Variants in ADARB2 observed in about 807,000 individuals in gnomAD.
The protein encoded by ADARB2 is inactive double-stranded RNA-specific editase B2.
Under a neutral mutation model 62.2 loss-of-function variants are expected in ADARB2, and 25 were observed. That is an observed-to-expected ratio of 0.40 (90% confidence interval 0.29 to 0.56). The LOEUF (loss-of-function observed/expected upper bound fraction) is 0.56, where lower values mean the gene tolerates loss of function less well. Among genes scored for constraint, ADARB2 ranks in the 20% least tolerant of loss-of-function variants. The pLI is 0.43. For synonymous variants in ADARB2, 572 were observed against 500.8 expected (o/e 1.14, Z -1.90); for missense variants, 1,071 against 1,077.4 (o/e 0.99, Z 0.08).
At chr10:1,727,990 A>T (rs1169458620) in intron 1 of ADARB2, among the ~76,000 whole-genome samples, 1 of 152,262 alleles carries the variant, frequency 6.6e-6, no homozygotes, top group African/African-American at 2.4e-5. Context: ...CACGCACCAT[A>T]CTTTAAAATC....
At chr10:1,543,798 G>C (rs900628454) in intron 1 of ADARB2, among the ~76,000 whole-genome samples, 1 of 152,150 alleles carries the variant, frequency 6.6e-6, no homozygotes, top group Non-Finnish European at 1.5e-5. Flanking sequence ...CGCTGGGCCC[G>C]CTTATTAGTG....
At chr10:1,502,670 C>A (rs1012697209) in intron 1 of ADARB2, among the ~76,000 whole-genome samples, 7 of 152,200 alleles carry the variant, frequency 4.6e-5, no homozygotes, top group Non-Finnish European at 1.5e-5. Flanking sequence ...GGGTGTCACT[C>A]GGGTGCATGA....
At chr10:1,651,603 C>T (rs1834111711) in intron 1 of ADARB2, among the ~76,000 whole-genome samples, 1 of 152,292 alleles carries the variant, frequency 6.6e-6, no homozygotes, top group African/African-American at 2.4e-5. Context: ...GTCTTTCCCA[C>T]ATACAGAAAT....
At chr10:1,629,557 C>G (rs1833817283) in intron 1 of ADARB2, among the ~76,000 whole-genome samples, 1 of 132,756 alleles carries the variant, frequency 7.5e-6, no homozygotes, top group Non-Finnish European at 1.6e-5. Flanking sequence ...CCCCCCAGCA[C>G]CCAACCCCCC....
At chr10:1,496,835 T>C (rs981521483) in intron 1 of ADARB2, among the ~76,000 whole-genome samples, 8 of 152,192 alleles carry the variant, frequency 5.3e-5, no homozygotes, top group Non-Finnish European at 1.2e-4. Context: ...GTAACTTAAC[T>C]TTCCTCATAC....
rs1385969533 is a variant in ADARB2, at chr10:1,704,843, C to T, written c.100+32208G>A. On this transcript the variant is annotated intron_variant, in intron 1 of 9. Coordinates refer to ENST00000381312, the MANE Select transcript of ADARB2 (RefSeq NM_018702.4). This position sits in a 1 kb window ranked among gnomAD's most constrained non-coding sequence, Gnocchi z 5.6. ...TTGAGAACGGTGAGCTTGCATATGC[C>T]AGCCTGAGCCTCCACTCTCTCACTG... 6.6e-6 allele frequency among the ~76,000 whole-genome samples: 1 copy of T among 152,084 alleles called. No individual in the cohort carries two copies. Among genetic ancestry groups the T allele is most frequent in the Non-Finnish European group, 1.5e-5 (1 of 68,028 alleles).
intron 1 of ADARB2, among the ~76,000 whole-genome samples, chr10:1,631,470 C>T (rs574449607): frequency 5.3e-5 from 8 of 152,300 alleles, no homozygotes; most frequent in Admixed American, 6.5e-5. Flanking sequence ...TTCCCATGCC[C>T]GATGTCAGAG....
In ADARB2 at chr10:1,512,253, C is replaced by T. The variant is rs115250729; in HGVS notation, c.101-133093G>A. Reference sequence around the variant, plus strand: ...GTGTTGATGCTGTCTACACTGGACACCAAGACGTTGATGCTTCTACACTGG... The same window carrying T: ...GTGTTGATGCTGTCTACACTGGACATCAAGACGTTGATGCTTCTACACTGG... On this transcript the variant is annotated intron_variant, in intron 1 of 9. Transcript: ENST00000381312. 7.2e-3 allele frequency among the ~76,000 whole-genome samples: 1,098 copies of T among 152,184 alleles called. 14 individuals carry two copies. Among genetic ancestry groups the T allele is most frequent in the African/African-American group, 0.025 (1,022 of 41,496 alleles).
intron 1 of ADARB2, among the ~76,000 whole-genome samples, chr10:1,644,222 A>G (rs1211481332): frequency 6.6e-6 from 1 of 152,230 alleles, no homozygotes; most frequent in Non-Finnish European, 1.5e-5. Flanking sequence ...TTCTTCCTCC[A>G]GGCTGCAGCC....
intron 1 of ADARB2, among the ~76,000 whole-genome samples, chr10:1,620,510 G>C (rs1470571146): frequency 6.7e-6 from 1 of 148,898 alleles, no homozygotes; most frequent in Admixed American, 6.6e-5. Context: ...ACAAGAAAAG[G>C]CCCAGGCCCA....
rs577871022 is a variant in ADARB2 at position 1,223,143 on chromosome 10, G to A, written c.1514-6024C>T. 2.0e-5 allele frequency among the ~76,000 whole-genome samples: 3 copies of A among 152,260 alleles called. No homozygotes were observed. In the South Asian group the frequency reaches 6.2e-4, roughly 32 times the overall value. On this transcript the variant is annotated intron_variant, in intron 6 of 9. Coordinates refer to ENST00000381312, the MANE Select transcript of ADARB2 (RefSeq NM_018702.4). ...AAGAGGTCCTTCACATCCCTTGTAAGTTGGATTCCTAGGTATTTTATTCTC... is the reference window on the plus strand; with the variant it reads ...AAGAGGTCCTTCACATCCCTTGTAAATTGGATTCCTAGGTATTTTATTCTC...
intron 3 of ADARB2, among the ~76,000 whole-genome samples, chr10:1,274,003 A>G (rs1326413835): frequency 6.6e-6 from 1 of 152,192 alleles, no homozygotes; most frequent in Non-Finnish European, 1.5e-5. Context: ...CCGGCCCTGC[A>G]GAGGGGACAG....
chr10:1,387,495 A>G (rs1055577351), intron 1 of ADARB2, among the ~76,000 whole-genome samples: 6 of 152,046 alleles, frequency 3.9e-5, no homozygotes, highest in African/African-American at 1.4e-4. Flanking sequence ...CTAGTCAGTG[A>G]AAAACATATT....
intron 3 of ADARB2, among the ~76,000 whole-genome samples, chr10:1,360,488 G>C (rs1030282327): frequency 6.6e-6 from 1 of 152,188 alleles, no homozygotes; most frequent in African/African-American, 2.4e-5. Context: ...GGGAAGGTTG[G>C]GGCAGGGCAA....
intron 1 of ADARB2, among the ~76,000 whole-genome samples, chr10:1,562,961 A>G (rs192648867): frequency 6.6e-6 from 1 of 152,386 alleles, no homozygotes; most frequent in East Asian, 1.9e-4. Flanking sequence ...TCTCTCAGCC[A>G]GAAAGAAGCA....
chr10:1,311,812 C>T (rs185375769), intron 3 of ADARB2, among the ~76,000 whole-genome samples: 16 of 152,330 alleles, frequency 1.1e-4, no homozygotes, highest in African/African-American at 3.8e-4. Flanking sequence ...ATGATGGAAG[C>T]TTAGTTAAAT....
Position 1,704,683 on chromosome 10 carries a change from T to C in ADARB2, c.100+32368A>G, listed in dbSNP as rs75647841. ...ACTCTGGGGTTTTGTGAGGGGTACA[T>C]ATAAAGTGGTTTGGAATCATGTGGG... On this transcript the variant is annotated intron_variant, in intron 1 of 9. Transcript: ENST00000381312. The surrounding 1 kb of genome is among the most constrained non-coding windows in gnomAD (Gnocchi z 5.6). Among the ~76,000 whole-genome samples the C allele has an allele frequency of 5.3e-3, 801 of 152,264 alleles. 9 individuals carry two copies. The highest frequency in any genetic ancestry group is 0.018 in the African/African-American group (763 of 41,546).
intron 3 of ADARB2, among the ~76,000 whole-genome samples, chr10:1,357,528 C>A (rs568635511): frequency 1.8e-3 from 269 of 152,206 alleles, no homozygotes; most frequent in Middle Eastern, 6.8e-3. Context: ...ATTTGAATTT[C>A]AGATAAATAA....
intron 3 of ADARB2, among the ~76,000 whole-genome samples, chr10:1,350,693 T>A (rs1157234783): frequency 3.9e-5 from 6 of 152,230 alleles, no homozygotes; most frequent in African/African-American, 9.6e-5. Flanking sequence ...AACCCTGAGA[T>A]GCTTTACAGC....
Sources: gnomAD v4.1 joint callset for allele counts (sites outside exome capture counted in the v4.1 genomes callset) on GRCh38, gnomAD v4.1.1 for gene constraint, Gnocchi (gnomAD v3.1) non-coding constraint, MANE v1.5 for transcripts, NCBI Gene and HGNC (gene_info 2026-07-23, HGNC 2026-07-21) for gene names.